Variants in ERICH5 observed in about 807,000 individuals in gnomAD.
The protein encoded by ERICH5 is glutamate-rich protein 5.
In ERICH5, 24 loss-of-function variants were observed where a neutral mutation model predicts 28.0. The observed-to-expected ratio is 0.86, with a 90% CI of 0.62 to 1.21. The LOEUF is 1.21. Among genes scored for constraint, ERICH5 ranks in the 50% most tolerant of loss-of-function variants. The pLI is 0.00. For missense variants in ERICH5, 421 were observed against 441.2 expected (o/e 0.95, Z 0.41); for synonymous variants, 163 against 157.6 (o/e 1.03, Z -0.25).
At chr8:98,085,322 T>C (rs1001249829) in intron 1 of ERICH5, among the ~76,000 whole-genome samples, 1 of 151,598 alleles carries the variant, frequency 6.6e-6, no homozygotes, top group Non-Finnish European at 1.5e-5. Context: ...CACCACGCCC[T>C]GCTAATTTTT....
chr8:98,085,038 C>A (rs147706648), intron 1 of ERICH5, among the ~76,000 whole-genome samples: 16 of 151,370 alleles, frequency 1.1e-4, no homozygotes, highest in African/African-American at 3.6e-4. Context: ...TTTTACTCAG[C>A]ATAATTATTC....
At chr8:98,066,724 G>T (rs965050059) in intron 1 of ERICH5, among the ~76,000 whole-genome samples, 5 of 152,136 alleles carry the variant, frequency 3.3e-5, no homozygotes, top group Non-Finnish European at 7.3e-5. Flanking sequence ...CAATCAACAG[G>T]TCTATTTGCT....
intron 1 of ERICH5, among the ~76,000 whole-genome samples, chr8:98,069,127 T>C (rs1217695773): frequency 6.6e-6 from 1 of 152,222 alleles, no homozygotes; most frequent in Non-Finnish European, 1.5e-5. Context: ...ATTATATAAA[T>C]GGGATTTTTT....
At chr8:98,083,765 C>T (rs1815222061) in intron 1 of ERICH5, among the ~76,000 whole-genome samples, 1 of 152,222 alleles carries the variant, frequency 6.6e-6, no homozygotes, top group Non-Finnish European at 1.5e-5. Context: ...GTCCAACAGC[C>T]TCCCGGATTT....
chr8:98,085,546 A>G (rs1210944169), intron 1 of ERICH5, among the ~76,000 whole-genome samples: 3 of 146,742 alleles, frequency 2.0e-5, no homozygotes, highest in Non-Finnish European at 3.0e-5. Context: ...TAAAGATGCT[A>G]TGAACATTTG....
At chr8:98,080,037 T>C (rs570667872) in intron 1 of ERICH5, among the ~76,000 whole-genome samples, 44 of 152,192 alleles carry the variant, frequency 2.9e-4, no homozygotes, top group Non-Finnish European at 5.9e-4. Context: ...GGGAACTTTG[T>C]ACAATTAGAA....
intron 1 of ERICH5, among the ~76,000 whole-genome samples, chr8:98,065,380 A>G (rs1456085152): frequency 1.3e-5 from 2 of 152,218 alleles, no homozygotes; most frequent in Non-Finnish European, 2.9e-5. Context: ...ACTTTCCCCT[A>G]TCTTCGGCTT....
At chr8:98,074,471 T>G (rs1033591214) in intron 1 of ERICH5, among the ~76,000 whole-genome samples, 9 of 149,596 alleles carry the variant, frequency 6.0e-5, no homozygotes, top group African/African-American at 2.2e-4. Context: ...TCACCCAGGC[T>G]GAGTACAGCC....
chr8:98,068,331 T>G (rs1475394634), intron 1 of ERICH5, among the ~76,000 whole-genome samples: 1 of 152,102 alleles, frequency 6.6e-6, no homozygotes, highest in African/African-American at 2.4e-5. Context: ...GTGTGTGTGT[T>G]TGGGAGAACA....
At chr8:98,066,152 A>G (rs778328318) in intron 1 of ERICH5, among the ~76,000 whole-genome samples, 4 of 152,368 alleles carry the variant, frequency 2.6e-5, no homozygotes, top group Non-Finnish European at 4.4e-5. Context: ...CCATACCTGC[A>G]ACAAGAGGAC....
At chr8:98,076,548 C>T (rs987284863) in intron 1 of ERICH5, among the ~76,000 whole-genome samples, 1 of 152,128 alleles carries the variant, frequency 6.6e-6, no homozygotes, top group Admixed American at 6.5e-5. Context: ...AATCAATATC[C>T]TTATATTATC....
Position 98,093,551 on chromosome 8 carries a change from ATGG to A in ERICH5, c.*220_*222del, listed in dbSNP as rs755941656. 2.7e-6 allele frequency: 1 copy of A among 363,904 alleles called. No homozygotes were observed. Among genetic ancestry groups the A allele is most frequent in the Non-Finnish European group, 4.9e-6 (1 of 203,224 alleles). 22.5% of individuals were successfully genotyped at this position (363,904 alleles called of 1,614,324 possible). ...TGAACAGTTTTCTTAGCTACTTAGA[ATGG>A]TTATACATTTAAAAGTATAAAAACC... is the stretch of plus-strand genomic sequence containing the variant. On this transcript the variant is annotated 3_prime_UTR_variant, in exon 3 of 3. Coordinates refer to ENST00000318528, the MANE Select transcript of ERICH5 (RefSeq NM_173549.3).
In ERICH5 at chr8:98,091,900, C is replaced by CCTTTCTTTCTTTCTTTCTTT. The variant is rs74202034; in HGVS notation, c.1013-1302_1013-1301insTCTTTCTTTCTTTCTTTCTT. On this transcript the variant is annotated intron_variant, in intron 2 of 2. Transcript: ENST00000318528. ...TCTTTCTTTCTTTCTTTCTTTCTTT[C>CCTTTCTTTCTTTCTTTCTTT]CTTTCTTTCTTTCTTTCTTCCTTTC... is the stretch of plus-strand genomic sequence containing the variant. Among the ~76,000 whole-genome samples, 51 of 74,700 alleles carry CCTTTCTTTCTTTCTTTCTTT rather than the reference C, an allele frequency of 6.8e-4. 1 individual carries two copies. Among genetic ancestry groups the CCTTTCTTTCTTTCTTTCTTT allele is most frequent in the African/African-American group, 1.8e-3 (33 of 17,840 alleles). 49.0% of individuals were successfully genotyped at this position (74,700 alleles called of 152,430 possible).
rs115357010 is a variant in ERICH5 at position 98,066,764 on chromosome 8, G to T, written c.58+2037G>T. On this transcript the variant is annotated intron_variant, in intron 1 of 2. Transcript: ENST00000318528. ...ACCCTCGATCAAACAATACTCTCTT[G>T]TAATTAGATACTATTCTGTGTTCAT... Among the ~76,000 whole-genome samples the T allele has an allele frequency of 7.0e-3, 1,064 of 152,288 alleles. 5 individuals are homozygous for T. Among genetic ancestry groups the T allele is most frequent in the African/African-American group, 0.024 (977 of 41,550 alleles).
chr8:98,091,900 C>CTTTTCTTTCTTTCTTT, intron 2 of ERICH5, among the ~76,000 whole-genome samples: 2 of 74,676 alleles, frequency 2.7e-5, no homozygotes, highest in African/African-American at 1.1e-4. Context: ...TTCTTTCTTT[C>CTTTTCTTTCTTTCTTT]CTTTCTTTCT....
At chr8:98,084,957 A>G (rs1180730175) in intron 1 of ERICH5, among the ~76,000 whole-genome samples, 2 of 151,754 alleles carry the variant, frequency 1.3e-5, no homozygotes, top group African/African-American at 4.8e-5. Flanking sequence ...GCTTTCTACC[A>G]CTGTAGATAA....
intron 1 of ERICH5, among the ~76,000 whole-genome samples, chr8:98,073,921 C>CT (rs5893449): frequency 0.89 from 124,734 of 140,502 alleles, 55,458 homozygotes; most frequent in Non-Finnish European, 0.9. Context: ...CTCTCTTTTT[C>CT]TTTTTTTTTT....
At chr8:98,073,472 A>C (rs1208359877) in intron 1 of ERICH5, among the ~76,000 whole-genome samples, 9 of 1,994 alleles carry the variant, frequency 4.5e-3, no homozygotes, top group Admixed American at 0.013. Context: ...ATATATATAT[A>C]TATATATATA....
chr8:98,082,483 T>C (rs1815201554), intron 1 of ERICH5, among the ~76,000 whole-genome samples: 1 of 151,962 alleles, frequency 6.6e-6, no homozygotes. Flanking sequence ...CCATCTCTCC[T>C]AAAAATACAA....
Sources: gnomAD v4.1 joint callset for allele counts (sites outside exome capture counted in the v4.1 genomes callset) on GRCh38, gnomAD v4.1.1 for gene constraint, MANE v1.5 for transcripts, NCBI Gene and HGNC (gene_info 2026-07-23, HGNC 2026-07-21) for gene names.